SSBP3: variants seen among roughly 807,000 people sequenced by gnomAD.
The protein encoded by SSBP3 is single stranded DNA binding protein 3.
A neutral mutation model predicts 69.6 loss-of-function variants in SSBP3; 5 were observed. The ratio of observed to expected loss-of-function variants is 0.07; its 90% CI spans 0.04 to 0.15. The LOEUF (loss-of-function observed/expected upper bound fraction) is 0.15, where lower values mean the gene tolerates loss of function less well. Ranked by LOEUF, SSBP3 falls within the 10% of genes least tolerant of loss-of-function variation. SSBP3 has a pLI of 1.00. For missense variants in SSBP3, 312 were observed against 534.0 expected (o/e 0.58, Z 4.10); for synonymous variants, 196 against 193.4 (o/e 1.01, Z -0.11).
chr1:54,408,978 T>C (rs1649920757), upstream of SSBP3, among the ~76,000 whole-genome samples: 1 of 152,130 alleles, frequency 6.6e-6, no homozygotes, highest in Admixed American at 6.5e-5. Flanking sequence ...TCACCCCTGC[T>C]GGCTAGAAGA....
chr1:54,308,918 A>G (rs960579168), intron 4 of SSBP3, among the ~76,000 whole-genome samples: 7 of 152,212 alleles, frequency 4.6e-5, no homozygotes, highest in African/African-American at 1.7e-4. Context: ...AAAAAAAAAA[A>G]TACCTAAGAA....
intron 5 of SSBP3, among the ~76,000 whole-genome samples, chr1:54,280,667 C>G (rs7554193): frequency 0.14 from 20,763 of 152,192 alleles, 1,881 homozygotes; most frequent in Non-Finnish European, 0.2. Context: ...TGGCATTCCC[C>G]AGTCTCAAGT....
chr1:54,322,918 G>A (rs1646239623), intron 4 of SSBP3, among the ~76,000 whole-genome samples: 1 of 152,138 alleles, frequency 6.6e-6, no homozygotes, highest in African/African-American at 2.4e-5. Context: ...AGGGGGGCTG[G>A]GAATAAAAAG....
At chr1:54,266,942 C>T (rs1160031230) in intron 5 of SSBP3, among the ~76,000 whole-genome samples, 1 of 152,250 alleles carries the variant, frequency 6.6e-6, no homozygotes, top group Non-Finnish European at 1.5e-5. Context: ...ACCCTCCTTG[C>T]TGATGGTGTC....
chr1:54,373,094 C>T (rs888379307), intron 4 of SSBP3, among the ~76,000 whole-genome samples: 2 of 152,190 alleles, frequency 1.3e-5, no homozygotes, highest in Non-Finnish European at 2.9e-5. Context: ...TGGTGTCACC[C>T]GCATAACCTC....
chr1:54,306,603 GAAGAT>G (rs1465635566), intron 4 of SSBP3, among the ~76,000 whole-genome samples: 2 of 152,196 alleles, frequency 1.3e-5, no homozygotes, highest in Non-Finnish European at 2.9e-5. Context: ...TCATTAGAAA[GAAGAT>G]AATAATACTA....
chr1:54,232,090 T>C (rs958620294), intron 14 of SSBP3, among the ~76,000 whole-genome samples: 1 of 152,244 alleles, frequency 6.6e-6, no homozygotes, highest in Admixed American at 6.5e-5. Flanking sequence ...GCATCATTTA[T>C]TCTGTATTAT....
At chr1:54,395,039 C>T (rs562552159) in intron 4 of SSBP3, among the ~76,000 whole-genome samples, 7 of 150,746 alleles carry the variant, frequency 4.6e-5, no homozygotes, top group Admixed American at 1.3e-4. Context: ...ATGTGGGAAT[C>T]GCCTTTGTGG....
At chr1:54,326,522 G>C (rs1460148943) in intron 4 of SSBP3, 1 of 152,158 alleles carries the variant, frequency 6.6e-6, no homozygotes, top group Non-Finnish European at 1.5e-5. Context: ...CACCAGGCTG[G>C]GACACCCTGG....
intron 4 of SSBP3, among the ~76,000 whole-genome samples, chr1:54,394,035 C>A (rs1465825598): frequency 6.6e-6 from 1 of 152,226 alleles, no homozygotes; most frequent in African/African-American, 2.4e-5. Context: ...GTTGGGATTA[C>A]AGGAGTTAGC....
At chr1:54,363,286 G>C (rs1373237276) in intron 4 of SSBP3, among the ~76,000 whole-genome samples, 1 of 152,118 alleles carries the variant, frequency 6.6e-6, no homozygotes, top group African/African-American at 2.4e-5. Flanking sequence ...CTGGGAAATG[G>C]GGACAAGGGT....
Position 54,300,532 on chromosome 1 carries a change from C to CA in SSBP3, c.277-19006dup, listed in dbSNP as rs1645783052. Among the ~76,000 whole-genome samples the CA allele has an allele frequency of 2.6e-5, 4 of 152,314 alleles. No homozygotes were observed. The South Asian group carries it at 8.3e-4, about 32-fold the overall frequency. On this transcript the variant is annotated intron_variant, in intron 4 of 17. Transcript: ENST00000610401. The stretch of plus-strand genomic sequence containing the variant: ...AATGGCCAATGACAAACCAGTGCAA[C>CA]ACAGAGTACCGCACAGGCCTGTACT...
intron 4 of SSBP3, among the ~76,000 whole-genome samples, chr1:54,333,701 C>T (rs1646459855): frequency 6.6e-6 from 1 of 152,152 alleles, no homozygotes; most frequent in Non-Finnish European, 1.5e-5. Context: ...ATCTGTAAAA[C>T]AGAGATAATA....
At chr1:54,236,865 A>AC (rs1644504240) in intron 14 of SSBP3, 2 of 152,194 alleles carry the variant, frequency 1.3e-5, no homozygotes, top group African/African-American at 4.8e-5. Flanking sequence ...AGCAAATTAC[A>AC]CCCCTTTGTG....
At chr1:54,261,482 C>T (rs187672599) in intron 5 of SSBP3, among the ~76,000 whole-genome samples, 3 of 152,304 alleles carry the variant, frequency 2.0e-5, no homozygotes, top group East Asian at 3.8e-4. Flanking sequence ...GGACGGGGGC[C>T]GCTCTCTTCC....
intron 5 of SSBP3, among the ~76,000 whole-genome samples, chr1:54,272,427 G>C (rs1226629593): frequency 3.3e-5 from 5 of 151,374 alleles, no homozygotes; most frequent in Admixed American, 3.3e-4. Context: ...ACAGGATTCT[G>C]CTGGAATTCT....
intron 4 of SSBP3, among the ~76,000 whole-genome samples, chr1:54,374,629 G>A (rs1057459304): frequency 1.3e-5 from 2 of 152,156 alleles, no homozygotes; most frequent in African/African-American, 2.4e-5. Flanking sequence ...AGTGAAGCCT[G>A]TTCAGGTGGA....
chr1:54,312,292 A>T (rs1186424880), intron 4 of SSBP3, among the ~76,000 whole-genome samples: 2 of 138,640 alleles, frequency 1.4e-5, no homozygotes, highest in African/African-American at 5.3e-5. Flanking sequence ...CTCTCTCTTT[A>T]AAAAAAAAAA....
chr1:54,257,767 T>C (rs779692720), intron 6 of SSBP3, among the ~76,000 whole-genome samples: 17 of 151,950 alleles, frequency 1.1e-4, no homozygotes, highest in Non-Finnish European at 2.1e-4. Context: ...TACAAACAAA[T>C]GGTGAACCAA....
Sources: gnomAD v4.1 joint callset for allele counts (sites outside exome capture counted in the v4.1 genomes callset) on GRCh38, gnomAD v4.1.1 for gene constraint, MANE v1.5 for transcripts, NCBI Gene and HGNC (gene_info 2026-07-23, HGNC 2026-07-21) for gene names.